Variants in MED1 observed in about 807,000 individuals in gnomAD.
MED1 encodes the protein mediator of RNA polymerase II transcription subunit 1.
MED1 carries 17 observed loss-of-function variants against 121.3 expected under a neutral mutation model. The observed-to-expected ratio is 0.14, with a 90% CI of 0.10 to 0.21. MED1 has a LOEUF of 0.21. MED1 is among the 10% of genes least tolerant of loss of function. The pLI, the probability that MED1 is intolerant of heterozygous loss-of-function variation, is 1.00. For missense variants in MED1, 1,558 were observed against 1,919.4 expected (o/e 0.81, Z 3.52); for synonymous variants, 661 against 694.4 (o/e 0.95, Z 0.76).
Position 39,405,783 on chromosome 17 carries a change from G to C in MED1, c.*1692C>G. On this transcript the variant is annotated 3_prime_UTR_variant, in exon 17 of 17. Transcript: ENST00000300651. ...ACACTAGAGGAAATGAGACAGGAAA[G>C]AAAGCCAAAGCTGATTTTCCAACTC... is the stretch of plus-strand genomic sequence containing the variant. 1.0e-6 allele frequency: 1 copy of C among 986,366 alleles called. No homozygotes were observed. Among genetic ancestry groups the C allele is most frequent in the Non-Finnish European group, 1.2e-6 (1 of 830,482 alleles). 61.1% of individuals were successfully genotyped at this position (986,366 alleles called of 1,614,324 possible).
rs1440311483 is a variant in MED1, at chr17:39,405,886, C to T, written c.*1589G>A. 2.0e-6 allele frequency: 2 copies of T among 985,036 alleles called. No homozygotes were observed. Among genetic ancestry groups the T allele is most frequent in the South Asian group, 4.7e-5 (1 of 21,292 alleles). The allele number at this position is 985,036 out of a possible 1,614,324, so 61.0% of individuals were successfully genotyped here. A position where few individuals can be genotyped will look rare whatever the true frequency, so the allele number is the denominator to read the frequency against. The stretch of plus-strand genomic sequence containing the variant: ...TATGATGAAGTCACTCCACTTACGA[C>T]ATAACACACAAAGGAATCACCTGGC... On this transcript the variant is annotated 3_prime_UTR_variant, in exon 17 of 17. Coordinates refer to ENST00000300651, the MANE Select transcript of MED1 (RefSeq NM_004774.4).
rs1189705999 is a variant in MED1 at position 39,440,212 on chromosome 17, C to T, written c.399+174G>A. ...CTTTGGATGATGTCAGAGATGGGAC[C>T]CATATTTTCTAAATCCCATTCTATA... is the stretch of plus-strand genomic sequence containing the variant. On this transcript the variant is annotated intron_variant, in intron 5 of 16. Transcript: ENST00000300651. The surrounding 1 kb of genome is among the most constrained non-coding windows in gnomAD (Gnocchi z 4.1). Among the ~76,000 whole-genome samples, 1 of 151,992 alleles carries T rather than the reference C, an allele frequency of 6.6e-6. No individual in the cohort carries two copies. Among genetic ancestry groups the T allele is most frequent in the Admixed American group, 6.6e-5 (1 of 15,220 alleles).
intron 2 of MED1, among the ~76,000 whole-genome samples, chr17:39,446,102 A>G (rs952680965): frequency 2.0e-5 from 3 of 151,972 alleles, no homozygotes; most frequent in Admixed American, 2.0e-4. Flanking sequence ...TGGGAGGCCA[A>G]AGTGGGTGGA....
At position 39,409,067 on chromosome 17, in the gene MED1, G is replaced by T. The variant is rs1219462382; in HGVS notation, c.3154C>A (p.Pro1052Thr). Residue 1052 changes from proline (P) to threonine (T), a missense_variant, in exon 17 of 17, where the codon CCC becomes ACC. Physicochemically the swap from Pro to Thr is conservative, Grantham distance 38. This residue lies in a region of MED1 where 793 missense variants were observed against 898.2 expected (regional missense o/e 0.88). Coordinates refer to ENST00000300651, the MANE Select transcript of MED1 (RefSeq NM_004774.4). ...SPGSAGRSQT[P>T]PGVATPPIPK... ...ATGGGTGGTGTGGCAACACCTGGGGGAGTCTGAGATCTTCCTGCACTGCCT... is the reference window on the plus strand; with the variant it reads ...ATGGGTGGTGTGGCAACACCTGGGGTAGTCTGAGATCTTCCTGCACTGCCT... The T allele has an allele frequency of 1.2e-6, 2 of 1,614,182 alleles. No homozygotes were observed. Among genetic ancestry groups the T allele is most frequent in the Non-Finnish European group, 1.7e-6 (2 of 1,180,032 alleles).
intron 13 of MED1, among the ~76,000 whole-genome samples, chr17:39,421,554 A>T (rs978286783): frequency 6.6e-6 from 1 of 151,770 alleles, no homozygotes; most frequent in Admixed American, 6.6e-5. Flanking sequence ...CTCCATCTCA[A>T]AAAATAAAAA....
chr17:39,426,458 TAAAC>T lies in MED1; in HGVS notation c.739+1239_739+1242del, dbSNP rs539997661. Among the ~76,000 whole-genome samples the T allele has an allele frequency of 9.2e-3, 1,392 of 151,758 alleles. 15 individuals carry two copies. The highest frequency in any genetic ancestry group is 0.027 in the African/African-American group (1,119 of 41,310). On this transcript the variant is annotated intron_variant, in intron 10 of 16. Transcript: ENST00000300651. The stretch of plus-strand genomic sequence containing the variant: ...TGAGACTCCATCTTAAATAAATAAA[TAAAC>T]AAACAAACAAACAAACAATAAAGGG...
In MED1 at chr17:39,440,337, G is replaced by C; in HGVS notation, c.399+49C>G. The C allele has an allele frequency of 6.7e-7, 1 of 1,501,606 alleles. No individual in the cohort carries two copies. Among genetic ancestry groups the C allele is most frequent in the Non-Finnish European group, 8.9e-7 (1 of 1,129,488 alleles). 93.0% of individuals were successfully genotyped at this position (1,501,606 alleles called of 1,614,324 possible). On this transcript the variant is annotated intron_variant, in intron 5 of 16. Transcript: ENST00000300651. This position sits in a 1 kb window ranked among gnomAD's most constrained non-coding sequence, Gnocchi z 4.1. Reference sequence around the variant, plus strand: ...CCCAACAATTAATTTTAAAATTAATGTCCCTAAGTAAACCCCACAGATTCC... The same window carrying C: ...CCCAACAATTAATTTTAAAATTAATCTCCCTAAGTAAACCCCACAGATTCC...
chr17:39,428,364 G>C (rs1464903103), intron 9 of MED1, among the ~76,000 whole-genome samples: 1 of 152,042 alleles, frequency 6.6e-6, no homozygotes, highest in Non-Finnish European at 1.5e-5. Flanking sequence ...CGCGCCTGTA[G>C]TCCCAGCTAT....
intron 2 of MED1, among the ~76,000 whole-genome samples, chr17:39,444,950 G>C (rs1343910881): frequency 6.6e-6 from 1 of 151,912 alleles, no homozygotes; most frequent in African/African-American, 2.4e-5. Flanking sequence ...GTTTCTCTCT[G>C]AAAAACATTC....
chr17:39,405,547 G>A lies in MED1; in HGVS notation c.*1928C>T, dbSNP rs1193973228. Reference sequence around the variant, plus strand: ...AGAAATCCAACCTGGCTGAATGTCTGAGAGGCTGCTACTGTATCAACATCA... The same window carrying A: ...AGAAATCCAACCTGGCTGAATGTCTAAGAGGCTGCTACTGTATCAACATCA... On this transcript the variant is annotated 3_prime_UTR_variant, in exon 17 of 17. Transcript: ENST00000300651. 1.5e-6 allele frequency: 2 copies of A among 1,358,796 alleles called. No homozygotes were observed. The highest frequency in any genetic ancestry group is 1.5e-5 in the African/African-American group (1 of 68,290). The allele number at this position is 1,358,796 out of a possible 1,614,324, so 84.2% of individuals were successfully genotyped here. A position where few individuals can be genotyped will look rare whatever the true frequency, so the allele number is the denominator to read the frequency against.
chr17:39,445,895 G>A (rs1007690882), intron 2 of MED1, among the ~76,000 whole-genome samples: 4 of 151,654 alleles, frequency 2.6e-5, no homozygotes, highest in African/African-American at 9.7e-5. Flanking sequence ...TGGGCATGGT[G>A]GCGGATGCCT....
intron 16 of MED1, among the ~76,000 whole-genome samples, chr17:39,414,061 T>C (rs1159570218): frequency 1.3e-5 from 2 of 151,642 alleles, no homozygotes; most frequent in African/African-American, 4.8e-5. Flanking sequence ...ACCCCGTCTC[T>C]ACTAAAAATA....
At chr17:39,433,851 G>A (rs1175671019) in intron 7 of MED1, among the ~76,000 whole-genome samples, 1 of 152,096 alleles carries the variant, frequency 6.6e-6, no homozygotes, top group Non-Finnish European at 1.5e-5. Context: ...GGGCCACTTT[G>A]ACTGGCTTCA....
Position 39,409,560 on chromosome 17 carries a change from G to C in MED1, c.2661C>G (p.Ser887Arg). ...GFGEEYFDES[S>R]QSGDNDDFKG... ...TGAAATCATCATTATCCCCACTTTG[G>C]CTGCTTTCATCAAAATATTCTTCTC... The change falls in exon 17 of 17, where the codon AGC (serine) becomes AGG (arginine). Residue 887 changes from serine (S) to arginine (R), a missense_variant. Transcript: ENST00000300651. 1 of 1,614,042 alleles carries C rather than the reference G, an allele frequency of 6.2e-7. No homozygotes were observed. Among genetic ancestry groups the C allele is most frequent in the Non-Finnish European group, 8.5e-7 (1 of 1,180,018 alleles).
intron 9 of MED1, among the ~76,000 whole-genome samples, chr17:39,429,870 T>TAG (rs2048549790): frequency 1.3e-5 from 2 of 151,822 alleles, no homozygotes; most frequent in African/African-American, 2.4e-5. Flanking sequence ...GAAGATCACT[T>TAG]GATCCCAGTT....
At position 39,440,096 on chromosome 17, in the gene MED1, GAAAGAAAGAAA is replaced by G. The variant is rs886687285; in HGVS notation, c.399+279_399+289del. Among the ~76,000 whole-genome samples, 2 of 149,904 alleles carry G rather than the reference GAAAGAAAGAAA, an allele frequency of 1.3e-5. No homozygotes were observed. Among genetic ancestry groups the G allele is most frequent in the African/African-American group, 2.5e-5 (1 of 40,694 alleles). ...AGAAAGCAAGCAAGCAAGCAAGAAA[GAAAGAAAGAAA>G]AAAGAAAGAAAAGAAAGAAAGGAAG... On this transcript the variant is annotated intron_variant, in intron 5 of 16. Coordinates refer to ENST00000300651, the MANE Select transcript of MED1 (RefSeq NM_004774.4). The surrounding 1 kb of genome is among the most constrained non-coding windows in gnomAD (Gnocchi z 4.1).
intron 1 of MED1, among the ~76,000 whole-genome samples, chr17:39,448,283 T>C (rs558280327): frequency 3.3e-5 from 5 of 151,244 alleles, no homozygotes; most frequent in African/African-American, 1.2e-4. Context: ...GGGAGGAGAA[T>C]TGCTTGAATC....
intron 14 of MED1, among the ~76,000 whole-genome samples, chr17:39,416,633 A>G (rs575543523): frequency 6.6e-6 from 1 of 152,290 alleles, no homozygotes; most frequent in South Asian, 2.1e-4. Flanking sequence ...TATATGCTCT[A>G]TGTTATTACT....
rs749662149 is a variant in MED1, at chr17:39,405,241, TG to T, written c.*2233del. 6.3e-7 allele frequency: 1 copy of T among 1,595,646 alleles called. No individual in the cohort carries two copies. The highest frequency in any genetic ancestry group is 1.1e-5 in the South Asian group (1 of 87,804). Reference sequence around the variant, plus strand: ...AGCAAGTTCAGATGCTGGGTCAGTGTGGGGGTGAGCCCATCGACAATTCAGG... The same window carrying T: ...AGCAAGTTCAGATGCTGGGTCAGTGTGGGGTGAGCCCATCGACAATTCAGG... On this transcript the variant is annotated 3_prime_UTR_variant, in exon 17 of 17. Transcript: ENST00000300651.
Sources: allele counts gnomAD v4.1 joint callset (sites outside exome capture counted in the v4.1 genomes callset), GRCh38; gene constraint gnomAD v4.1.1; regional missense constraint gnomAD v4.1.1; non-coding constraint Gnocchi (gnomAD v3.1); transcripts MANE v1.5; gene names NCBI Gene and HGNC (gene_info 2026-07-23, HGNC 2026-07-21).